Variants in KPNA3 observed in about 807,000 individuals in gnomAD.
KPNA3 encodes importin subunit alpha-4.
KPNA3 carries 13 observed loss-of-function variants against 73.8 expected under a neutral mutation model. That is an observed-to-expected ratio of 0.18 (90% confidence interval 0.11 to 0.28). The LOEUF (loss-of-function observed/expected upper bound fraction) is 0.28, where lower values mean the gene tolerates loss of function less well. Among genes scored for constraint, KPNA3 ranks in the 10% least tolerant of loss-of-function variants. KPNA3 has a pLI of 1.00. For synonymous variants in KPNA3, 186 were observed against 206.9 expected (o/e 0.90, Z 0.87); for missense variants, 360 against 618.1 (o/e 0.58, Z 4.43).
chr13:49,773,442 A>G (rs1456861042), intron 1 of KPNA3, among the ~76,000 whole-genome samples: 1 of 152,202 alleles, frequency 6.6e-6, no homozygotes. Flanking sequence ...TTTCGATGAT[A>G]TAATTACCAA....
chr13:49,729,924 G>C (rs2137551558), intron 6 of KPNA3, among the ~76,000 whole-genome samples: 1 of 152,280 alleles, frequency 6.6e-6, no homozygotes, highest in Middle Eastern at 3.4e-3. Flanking sequence ...AAAGCCACGT[G>C]GATTTTTATC....
At chr13:49,774,059 C>T (rs555486232) in intron 1 of KPNA3, among the ~76,000 whole-genome samples, 2 of 150,838 alleles carry the variant, frequency 1.3e-5, no homozygotes, top group East Asian at 3.9e-4. Context: ...GTGTGTGCCA[C>T]TAAACCCAGG....
intron 10 of KPNA3, 147 bp downstream of exon 10, chr13:49,719,628 C>G (rs761253555): frequency 5.0e-5 from 33 of 660,596 alleles, no homozygotes; most frequent in Non-Finnish European, 7.9e-5. Flanking sequence ...AGCTATAAAC[C>G]TAATTTAAGC....
At chr13:49,775,162 C>CAAAAAA (rs60494803) in intron 1 of KPNA3, among the ~76,000 whole-genome samples, 412 of 92,874 alleles carry the variant, frequency 4.4e-3, no homozygotes, top group Non-Finnish European at 6.4e-3. Context: ...GACTCTGTCT[C>CAAAAAA]AAAAAAAAAA....
chr13:49,728,330 C>G (rs914550415), intron 6 of KPNA3, among the ~76,000 whole-genome samples: 1 of 151,854 alleles, frequency 6.6e-6, no homozygotes. Context: ...TAATCTTGGT[C>G]GTGCCCTAAC....
At chr13:49,744,176 C>T (rs540526522) in intron 2 of KPNA3, among the ~76,000 whole-genome samples, 1 of 152,020 alleles carries the variant, frequency 6.6e-6, no homozygotes, top group Admixed American at 6.6e-5. Flanking sequence ...TGGATACTTA[C>T]GACGTGTGGA....
intron 1 of KPNA3, among the ~76,000 whole-genome samples, chr13:49,747,618 G>A (rs1317779831): frequency 1.3e-5 from 2 of 152,188 alleles, no homozygotes; most frequent in Non-Finnish European, 2.9e-5. Flanking sequence ...CCTGGGAGAC[G>A]GAGGTTGAAG....
chr13:49,751,219 C>T (rs539823279), intron 1 of KPNA3, among the ~76,000 whole-genome samples: 1 of 152,258 alleles, frequency 6.6e-6, no homozygotes, highest in African/African-American at 2.4e-5. Context: ...CCCCACATCT[C>T]CTCTCCTGTC....
At chr13:49,777,371 T>A (rs1954905842) in intron 1 of KPNA3, among the ~76,000 whole-genome samples, 1 of 152,220 alleles carries the variant, frequency 6.6e-6, no homozygotes, top group Admixed American at 6.5e-5. Flanking sequence ...CAAGGATGCA[T>A]AAGTCCCTTT....
At chr13:49,763,353 G>A (rs1014558153) in intron 1 of KPNA3, among the ~76,000 whole-genome samples, 5 of 152,062 alleles carry the variant, frequency 3.3e-5, no homozygotes, top group South Asian at 2.1e-4. Flanking sequence ...AGAAGAAACC[G>A]TCAATTATGA....
intron 8 of KPNA3, 119 bp downstream of exon 8, chr13:49,722,358 G>A: frequency 4.3e-6 from 3 of 700,326 alleles, no homozygotes; most frequent in Non-Finnish European, 7.2e-6. Flanking sequence ...CAGTACTTAT[G>A]AGGCAAGAAG....
At chr13:49,742,903 T>C (rs894524734) in intron 2 of KPNA3, among the ~76,000 whole-genome samples, 2 of 152,164 alleles carry the variant, frequency 1.3e-5, no homozygotes, top group Non-Finnish European at 2.9e-5. Flanking sequence ...ATACATGACT[T>C]AAATATAAGT....
intron 1 of KPNA3, among the ~76,000 whole-genome samples, chr13:49,756,361 T>C (rs1424939481): frequency 6.6e-6 from 1 of 152,032 alleles, no homozygotes; most frequent in East Asian, 1.9e-4. Flanking sequence ...GCCCAGGAGG[T>C]CAAGACCATA....
chr13:49,722,658 T>A (rs775026946), intron 7 of KPNA3, 95 bp from the exon 8 acceptor site: 16 of 701,554 alleles, frequency 2.3e-5, no homozygotes, highest in Non-Finnish European at 3.6e-5. Flanking sequence ...CAGCCTGGCA[T>A]ATTGTAGCTG....
intron 1 of KPNA3, among the ~76,000 whole-genome samples, chr13:49,769,331 T>A (rs1312491787): frequency 6.6e-6 from 1 of 152,218 alleles, no homozygotes; most frequent in Non-Finnish European, 1.5e-5. Flanking sequence ...CCTAAAAGGA[T>A]AAGTTCCGTG....
At position 49,732,931 on chromosome 13, in the gene KPNA3, A is replaced by G. The variant is rs763382053; in HGVS notation, c.204+26T>C. 2.7e-5 allele frequency: 40 copies of G among 1,490,742 alleles called. No homozygotes were observed. In the South Asian group the frequency reaches 4.4e-4, roughly 16 times the overall value. 92.3% of individuals were successfully genotyped at this position (1,490,742 alleles called of 1,614,324 possible). A position where few individuals can be genotyped will look rare whatever the true frequency, so the allele number is the denominator to read the frequency against. On this transcript the variant is annotated intron_variant, in intron 3 of 16. Coordinates refer to ENST00000261667, the MANE Select transcript of KPNA3 (RefSeq NM_002267.4). The stretch of plus-strand genomic sequence containing the variant: ...CAGTTACTATAAAAATTATTTTAAA[A>G]TCACTATTAAAACATGGTAACTTAC...
intron 2 of KPNA3, among the ~76,000 whole-genome samples, chr13:49,738,463 C>A (rs558820442): frequency 6.6e-6 from 1 of 152,150 alleles, no homozygotes; most frequent in Non-Finnish European, 1.5e-5. Flanking sequence ...GTCATTATTA[C>A]GTTGAGGCTT....
intron 10 of KPNA3, among the ~76,000 whole-genome samples, chr13:49,715,101 A>C (rs780606541): frequency 2.0e-5 from 3 of 152,072 alleles, no homozygotes; most frequent in Non-Finnish European, 4.4e-5. Flanking sequence ...TAGAACACCC[A>C]AAAAAGGAAT....
chr13:49,767,427 AAAAG>A (rs1434976350), intron 1 of KPNA3, among the ~76,000 whole-genome samples: 1 of 151,824 alleles, frequency 6.6e-6, no homozygotes, highest in Non-Finnish European at 1.5e-5. Flanking sequence ...AAAAAAAAAA[AAAAG>A]AAGAAAAAAA....
Sources: gnomAD v4.1 joint callset for allele counts (sites outside exome capture counted in the v4.1 genomes callset) on GRCh38, gnomAD v4.1.1 for gene constraint, MANE v1.5 for transcripts, NCBI Gene and HGNC (gene_info 2026-07-23, HGNC 2026-07-21) for gene names.